CMC1: variants seen among roughly 807,000 people sequenced by gnomAD.
CMC1 encodes COX assembly mitochondrial protein homolog.
CMC1 carries 14 observed loss-of-function variants against 14.1 expected under a neutral mutation model. The observed-to-expected ratio is 0.99, with a 90% CI of 0.66 to 1.55. The LOEUF (loss-of-function observed/expected upper bound fraction) is 1.55, where lower values mean the gene tolerates loss of function less well. Among genes scored for constraint, CMC1 ranks in the 40% most tolerant of loss-of-function variants. The pLI, the probability that CMC1 is intolerant of heterozygous loss-of-function variation, is 0.00. For synonymous variants in CMC1, 50 were observed against 38.4 expected, an observed-to-expected ratio of 1.30 and a Z score of -1.12; for missense variants, 127 against 123.8, an observed-to-expected ratio of 1.03 and a Z score of -0.12.
chr3:28,284,634 T>A (rs1304712936), intron 2 of CMC1, among the ~76,000 whole-genome samples: 1 of 152,096 alleles, frequency 6.6e-6, no homozygotes, highest in Non-Finnish European at 1.5e-5. Flanking sequence ...CCATATAGAT[T>A]TTGCTCATTT....
At chr3:28,246,798 ATT>A (rs770788764) in intron 1 of CMC1, among the ~76,000 whole-genome samples, 99 of 121,384 alleles carry the variant, frequency 8.2e-4, no homozygotes, top group African/African-American at 8.7e-4. Flanking sequence ...GGGTCCATTG[ATT>A]TTTTTTTTTT....
chr3:28,278,085 A>AGTGATGTGATTGTGTGATTGATGT (rs1700685928), intron 2 of CMC1, among the ~76,000 whole-genome samples: 1 of 101,448 alleles, frequency 9.9e-6, no homozygotes, highest in South Asian at 4.8e-4. Flanking sequence ...GATGTGATTG[A>AGTGATGTGATTGTGTGATTGATGT]GATACTCCAA....
At chr3:28,289,313 C>T (rs1056759117) in intron 2 of CMC1, among the ~76,000 whole-genome samples, 11 of 151,492 alleles carry the variant, frequency 7.3e-5, no homozygotes, top group South Asian at 2.1e-4. Flanking sequence ...TTTTAAAATT[C>T]GTTTTGTTTA....
chr3:28,282,818 T>A (rs1173227782), intron 2 of CMC1, among the ~76,000 whole-genome samples: 1 of 152,226 alleles, frequency 6.6e-6, no homozygotes, highest in Non-Finnish European at 1.5e-5. Flanking sequence ...TTGGTTTTAA[T>A]GACAATCAAA....
intron 3 of CMC1, 185 bp downstream of exon 3, chr3:28,316,608 A>AT: frequency 2.6e-6 from 1 of 390,426 alleles, no homozygotes; most frequent in Non-Finnish European, 4.6e-6. Flanking sequence ...GTCTTTTCAA[A>AT]TTTTCTCAGC....
At chr3:28,253,308 C>T (rs1014610275) in intron 1 of CMC1, among the ~76,000 whole-genome samples, 1 of 152,104 alleles carries the variant, frequency 6.6e-6, no homozygotes, top group Non-Finnish European at 1.5e-5. Context: ...TCGGACGTGG[C>T]AGCTCACTCC....
Position 28,323,870 on chromosome 3 carries a change from G to T in CMC1, c.*4241G>T. ...AGCTAGAGGGTGCTCTTTCATACTA[G>T]AAAACCAACTATGTTGGTTTTTGTA... On this transcript the variant is annotated 3_prime_UTR_variant, in exon 4 of 4. Transcript: ENST00000466830. The T allele has an allele frequency of 1.6e-6, 1 of 640,638 alleles. No homozygotes were observed. The highest frequency in any genetic ancestry group is 2.5e-6 in the Non-Finnish European group (1 of 395,378). 39.7% of individuals were successfully genotyped at this position (640,638 alleles called of 1,614,324 possible).
At position 28,260,868 on chromosome 3, in the gene CMC1, G is replaced by A. The variant is rs960051726; in HGVS notation, c.20-2423G>A. 2.6e-5 allele frequency among the ~76,000 whole-genome samples: 4 copies of A among 151,978 alleles called. No homozygotes were observed. The East Asian group carries it at 5.8e-4, about 22-fold the overall frequency. On this transcript the variant is annotated intron_variant, in intron 1 of 3. Coordinates refer to ENST00000466830, the MANE Select transcript of CMC1 (RefSeq NM_182523.2). Reference sequence around the variant, plus strand: ...AGATCCATGGGTTATTTAAAAGTGCGTTATTTAGCTTACAAATATTTGGCG... The same window carrying A: ...AGATCCATGGGTTATTTAAAAGTGCATTATTTAGCTTACAAATATTTGGCG...
At chr3:28,255,256 T>TG (rs2125441393) in intron 1 of CMC1, among the ~76,000 whole-genome samples, 1 of 151,110 alleles carries the variant, frequency 6.6e-6, no homozygotes, top group Admixed American at 6.6e-5. Context: ...TTTTTTTTTT[T>TG]TTGAGACAGA....
intron 1 of CMC1, among the ~76,000 whole-genome samples, chr3:28,261,139 T>C (rs1296902261): frequency 1.3e-5 from 2 of 152,238 alleles, no homozygotes; most frequent in African/African-American, 4.8e-5. Context: ...GTTTTTGTAA[T>C]ATGACATATA....
At chr3:28,279,560 AC>A (rs5847507) in intron 2 of CMC1, among the ~76,000 whole-genome samples, 70,513 of 151,648 alleles carry the variant, frequency 0.46, 16,943 homozygotes, top group Admixed American at 0.52. Context: ...TTGCTTAAGA[AC>A]CATAAGGGAA....
chr3:28,285,411 A>G (rs1701120902), intron 2 of CMC1, among the ~76,000 whole-genome samples: 1 of 152,176 alleles, frequency 6.6e-6, no homozygotes, highest in South Asian at 2.1e-4. Context: ...TTTGGGTTAA[A>G]AAAAAAACAC....
In CMC1 at chr3:28,253,129, A is replaced by G. The variant is rs182743156; in HGVS notation, c.20-10162A>G. ...GAGGAATATCTGGTCATGAGCATACATATCTTTGTGCTGTTGAGAAAAACT... is the reference window on the plus strand; with the variant it reads ...GAGGAATATCTGGTCATGAGCATACGTATCTTTGTGCTGTTGAGAAAAACT... On this transcript the variant is annotated intron_variant, in intron 1 of 3. Transcript: ENST00000466830. Among the ~76,000 whole-genome samples, 3 of 152,326 alleles carry G rather than the reference A, an allele frequency of 2.0e-5. No homozygotes were observed. In the East Asian group the frequency reaches 5.8e-4, roughly 29 times the overall value.
At chr3:28,295,868 A>C (rs564217992) in intron 2 of CMC1, among the ~76,000 whole-genome samples, 4 of 152,144 alleles carry the variant, frequency 2.6e-5, no homozygotes, top group African/African-American at 9.6e-5. Flanking sequence ...ACCCACAGAT[A>C]AGGAATGGTA....
At chr3:28,284,068 C>T (rs929426717) in intron 2 of CMC1, among the ~76,000 whole-genome samples, 1 of 152,096 alleles carries the variant, frequency 6.6e-6, no homozygotes, top group African/African-American at 2.4e-5. Context: ...CTTAAGTGTA[C>T]TTTGTGATGC....
At chr3:28,254,514 G>A (rs571340216) in intron 1 of CMC1, among the ~76,000 whole-genome samples, 1 of 152,220 alleles carries the variant, frequency 6.6e-6, no homozygotes, top group African/African-American at 2.4e-5. Context: ...AGGATCAGAT[G>A]TCTTGACAAG....
At chr3:28,258,614 ATTTTTTTTTTTT>A (rs61323375) in intron 1 of CMC1, among the ~76,000 whole-genome samples, 2 of 99,128 alleles carry the variant, frequency 2.0e-5, no homozygotes, top group South Asian at 3.1e-4. Context: ...GTATTTCTGG[ATTTTTTTTTTTT>A]TTTTTTTTTT....
intron 2 of CMC1, among the ~76,000 whole-genome samples, chr3:28,270,926 T>C (rs1467089430): frequency 2.1e-5 from 3 of 143,468 alleles, no homozygotes; most frequent in East Asian, 2.0e-4. Flanking sequence ...ATTTCTTTTT[T>C]TTTTTTTTTT....
Position 28,322,040 on chromosome 3 carries a change from G to A in CMC1, c.*2411G>A, listed in dbSNP as rs2125627374. The stretch of plus-strand genomic sequence containing the variant: ...GCTACAGATGGGCCACTGTTTTTTG[G>A]TTGTTTGAATTTTACCTAGAACAGA... On this transcript the variant is annotated 3_prime_UTR_variant, in exon 4 of 4. Coordinates refer to ENST00000466830, the MANE Select transcript of CMC1 (RefSeq NM_182523.2). The A allele has an allele frequency of 6.6e-6, 1 of 151,310 alleles. No homozygotes were observed. The highest frequency in any genetic ancestry group is 1.9e-4 in the East Asian group (1 of 5,144). 9.4% of individuals were successfully genotyped at this position (151,310 alleles called of 1,614,324 possible). A position where few individuals can be genotyped will look rare whatever the true frequency, so the allele number is the denominator to read the frequency against.
Sources: allele counts gnomAD v4.1 joint callset (sites outside exome capture counted in the v4.1 genomes callset), GRCh38; gene constraint gnomAD v4.1.1; transcripts MANE v1.5; gene names NCBI Gene and HGNC (gene_info 2026-07-23, HGNC 2026-07-21).